CAPZA2: variants seen among roughly 807,000 people sequenced by gnomAD.
CAPZA2 encodes capping actin protein of muscle Z-line subunit alpha 2, also known as F-actin-capping protein subunit alpha-2.
A neutral mutation model predicts 44.0 loss-of-function variants in CAPZA2; 13 were observed. The ratio of observed to expected loss-of-function variants is 0.30; its 90% CI spans 0.19 to 0.47. The LOEUF (loss-of-function observed/expected upper bound fraction) is 0.47. Among genes scored for constraint, CAPZA2 ranks in the 20% least tolerant of loss-of-function variants. The pLI, the probability that CAPZA2 is intolerant of heterozygous loss-of-function variation, is 1.00. For synonymous variants in CAPZA2, 94 were observed against 108.2 expected (o/e 0.87, Z 0.81); for missense variants, 244 against 338.6 (o/e 0.72, Z 2.19).
chr7:116,906,518 T>A, intron 6 of CAPZA2, 176 bp downstream of exon 6: 1 of 1,072,720 alleles, frequency 9.3e-7, no homozygotes, highest in African/African-American at 1.6e-5. Context: ...GCCTAATCAC[T>A]AAAGGTAGTG....
chr7:116,882,313 T>C (rs75735645), intron 1 of CAPZA2, among the ~76,000 whole-genome samples: 2,067 of 152,286 alleles, frequency 0.014, 26 homozygotes, highest in Non-Finnish European at 0.019. Flanking sequence ...GTCCCTCCTT[T>C]TACATTTATT....
At chr7:116,881,126 T>C (rs1796692589) in intron 1 of CAPZA2, among the ~76,000 whole-genome samples, 1 of 152,168 alleles carries the variant, frequency 6.6e-6, no homozygotes, top group Non-Finnish European at 1.5e-5. Flanking sequence ...TAGAATAACA[T>C]CACTTCTTGC....
chr7:116,884,926 A>G (rs1375063782), intron 1 of CAPZA2, among the ~76,000 whole-genome samples: 1 of 152,008 alleles, frequency 6.6e-6, no homozygotes, highest in Non-Finnish European at 1.5e-5. Context: ...TGTCCTTTTT[A>G]TTTTAGCCAT....
chr7:116,889,566 C>CA (rs745664263), intron 2 of CAPZA2, among the ~76,000 whole-genome samples: 1,970 of 112,896 alleles, frequency 0.017, 29 homozygotes, highest in Admixed American at 0.057. Flanking sequence ...CCATCTCTAC[C>CA]AAAAAAAAAA....
At position 116,872,659 on chromosome 7, in the gene CAPZA2, A is replaced by C. The variant is rs150217517; in HGVS notation, c.39+10009A>C. Among the ~76,000 whole-genome samples the C allele has an allele frequency of 2.5e-3, 380 of 152,336 alleles. 2 individuals carry two copies. Among genetic ancestry groups the C allele is most frequent in the African/African-American group, 8.6e-3 (359 of 41,576 alleles). ...GGTTTTTTCCTCCGGTTTTACCTCT[A>C]ATTCTCAAAAGACATAGCCATTTTT... is the stretch of plus-strand genomic sequence containing the variant. On this transcript the variant is annotated intron_variant, in intron 1 of 9. Coordinates refer to ENST00000361183, the MANE Select transcript of CAPZA2 (RefSeq NM_006136.3).
chr7:116,888,111 T>G lies in CAPZA2; in HGVS notation c.40-16T>G. 1 of 1,588,800 alleles carries G rather than the reference T, an allele frequency of 6.3e-7. No homozygotes were observed. The highest frequency in any genetic ancestry group is 8.6e-7 in the Non-Finnish European group (1 of 1,160,902). ...GCCTGTGATATGGAACATTTATATCTTTCTTTCTGTTTCAGGTGCGTATAG... is the reference window on the plus strand; with the variant it reads ...GCCTGTGATATGGAACATTTATATCGTTCTTTCTGTTTCAGGTGCGTATAG... On this transcript the variant is annotated splice_polypyrimidine_tract_variant and intron_variant, in intron 1 of 9. Transcript: ENST00000361183.
At chr7:116,901,809 GT>G (rs944479025) in intron 4 of CAPZA2, among the ~76,000 whole-genome samples, 3 of 148,360 alleles carry the variant, frequency 2.0e-5, no homozygotes, top group South Asian at 2.1e-4. Context: ...ATCCTGATCA[GT>G]TTTTTTTTAA....
intron 2 of CAPZA2, among the ~76,000 whole-genome samples, chr7:116,890,531 T>A (rs1396042186): frequency 0.17 from 4,416 of 25,282 alleles, 969 homozygotes; most frequent in African/African-American, 0.53. Flanking sequence ...AAAAAATATA[T>A]ATATATATAT....
intron 1 of CAPZA2, among the ~76,000 whole-genome samples, chr7:116,863,335 C>T (rs760375312): frequency 2.6e-5 from 4 of 152,162 alleles, no homozygotes; most frequent in Non-Finnish European, 4.4e-5. Flanking sequence ...AAAAAGACGA[C>T]CCCCTCCCCA....
chr7:116,865,429 A>C (rs1353270673), intron 1 of CAPZA2, among the ~76,000 whole-genome samples: 3 of 149,082 alleles, frequency 2.0e-5, no homozygotes, highest in African/African-American at 7.4e-5. Context: ...CAGGTGATCC[A>C]CCCCCCTCGG....
intron 4 of CAPZA2, among the ~76,000 whole-genome samples, chr7:116,899,379 A>G (rs1228425485): frequency 1.3e-5 from 2 of 151,998 alleles, no homozygotes; most frequent in Admixed American, 1.3e-4. Flanking sequence ...GTAAAACACT[A>G]TGAAGAAGAA....
chr7:116,882,076 T>C (rs1178573489), intron 1 of CAPZA2, among the ~76,000 whole-genome samples: 2 of 152,204 alleles, frequency 1.3e-5, no homozygotes, highest in East Asian at 1.9e-4. Flanking sequence ...GTTTTTCTTA[T>C]TACTGTTGAT....
At chr7:116,863,514 G>T (rs1377932779) in intron 1 of CAPZA2, among the ~76,000 whole-genome samples, 1 of 152,230 alleles carries the variant, frequency 6.6e-6, no homozygotes, top group Non-Finnish European at 1.5e-5. Context: ...TAAGTTCTCA[G>T]ATATTTAAAA....
intron 6 of CAPZA2, among the ~76,000 whole-genome samples, chr7:116,908,494 G>T (rs1257844653): frequency 6.6e-6 from 1 of 152,124 alleles, no homozygotes; most frequent in Non-Finnish European, 1.5e-5. Context: ...ATAATTAAAG[G>T]CTAGGACATA....
chr7:116,921,683 AAAAAAG>A lies in CAPZA2; in HGVS notation c.*3823_*3828del, dbSNP rs1791772423. On this transcript the variant is annotated 3_prime_UTR_variant, in exon 10 of 10. Transcript: ENST00000361183. ...GGTGACAGGGTGAGAGTCTGTCTCA[AAAAAAG>A]AAAAAGGAAATGTAAGAAGTGGTGA... 6.6e-6 allele frequency: 1 copy of A among 152,224 alleles called. No homozygotes were observed. The highest frequency in any genetic ancestry group is 1.5e-5 in the Non-Finnish European group (1 of 68,070). The allele number at this position is 152,224 out of a possible 1,614,324, so 9.4% of individuals were successfully genotyped here. A position where few individuals can be genotyped will look rare whatever the true frequency, so the allele number is the denominator to read the frequency against.
rs545942697 is a variant in CAPZA2 at position 116,903,097 on chromosome 7, T to C, written c.220-1080T>C. Among the ~76,000 whole-genome samples, 9 of 152,296 alleles carry C rather than the reference T, an allele frequency of 5.9e-5. No homozygotes were observed. The South Asian group carries it at 1.7e-3, about 28-fold the overall frequency. Reference sequence around the variant, plus strand: ...AAAGAGATGGCACATCAGTAGTGGATTGGCAGACTAAATTATGTTATAATC... The same window carrying C: ...AAAGAGATGGCACATCAGTAGTGGACTGGCAGACTAAATTATGTTATAATC... On this transcript the variant is annotated intron_variant, in intron 4 of 9. Transcript: ENST00000361183.
intron 1 of CAPZA2, chr7:116,885,953 G>T (rs1039928089): frequency 6.5e-6 from 1 of 154,370 alleles, no homozygotes; most frequent in Middle Eastern, 6.2e-4. Context: ...GTTAGGAGGT[G>T]GGTCAGAAGT....
chr7:116,889,475 A>G (rs1360461090), intron 2 of CAPZA2, among the ~76,000 whole-genome samples: 1 of 151,126 alleles, frequency 6.6e-6, no homozygotes, highest in Non-Finnish European at 1.5e-5. Flanking sequence ...TAATCCCAAC[A>G]CTTTGGGAGG....
At position 116,890,524 on chromosome 7, in the gene CAPZA2, AAATATATATAT is replaced by A. The variant is rs1562959866; in HGVS notation, c.103+2336_103+2346del. On this transcript the variant is annotated intron_variant, in intron 2 of 9. Transcript: ENST00000361183. ...TGTCTCTACTTAAAAAAAAAAAAAA[AAATATATATAT>A]ATATATATATATATATATATATATA... Among the ~76,000 whole-genome samples the A allele has an allele frequency of 1.9e-3, 58 of 29,814 alleles. 1 individual carries two copies. Among genetic ancestry groups the A allele is most frequent in the East Asian group, 3.3e-3 (2 of 614 alleles). The allele number at this position is 29,814 out of a possible 152,430, so 19.6% of individuals were successfully genotyped here.
Sources: gnomAD v4.1 joint callset for allele counts (sites outside exome capture counted in the v4.1 genomes callset) on GRCh38, gnomAD v4.1.1 for gene constraint, MANE v1.5 for transcripts, NCBI Gene and HGNC (gene_info 2026-07-23, HGNC 2026-07-21) for gene names.